Variants in OTOG observed in about 807,000 individuals in gnomAD.
The protein encoded by OTOG is otogelin.
Under a neutral mutation model 313.8 loss-of-function variants are expected in OTOG, and 296 were observed. The ratio of observed to expected loss-of-function variants is 0.94; its 90% CI spans 0.86 to 1.04. The LOEUF (loss-of-function observed/expected upper bound fraction) is 1.04. OTOG is among the 50% of genes least tolerant of loss of function. The pLI, the probability that OTOG is intolerant of heterozygous loss-of-function variation, is 0.00. For synonymous variants in OTOG, 1,533 were observed against 1,554.9 expected, an observed-to-expected ratio of 0.99 and a Z score of 0.33; for missense variants, 3,948 against 3,840.1, an observed-to-expected ratio of 1.03 and a Z score of -0.74.
chr11:17,616,877 A>G (rs1294008497), intron 39 of OTOG, among the ~76,000 whole-genome samples: 2 of 152,212 alleles, frequency 1.3e-5, no homozygotes, highest in Non-Finnish European at 2.9e-5. Context: ...TGCACTGGCT[A>G]GGACCTCTAG....
Position 17,573,212 on chromosome 11 carries a change from G to A in OTOG, c.2215G>A (p.Ala739Thr), listed in dbSNP as rs527271032. ...CCGCTGCGGGCAGCCCTGCCTGTGC[G>A]CCACACTGGCCCACTACGCCCACCT... ...ACRCGQPCLCATLAHYAHLCR... is the reference protein window; with the variant it reads ...ACRCGQPCLCTTLAHYAHLCR... The change falls in exon 19 of 56, where the codon GCC becomes ACC. Residue 739 changes from alanine to threonine, a missense_variant. Coordinates refer to ENST00000399397, the MANE Select transcript of OTOG (RefSeq NM_001292063.2). 2.1e-5 allele frequency: 33 copies of A among 1,537,418 alleles called. No individual in the cohort carries two copies. Among genetic ancestry groups the A allele is most frequent in the Middle Eastern group, 1.7e-4 (1 of 5,978 alleles).
intron 39 of OTOG, among the ~76,000 whole-genome samples, chr11:17,628,301 A>G (rs1016763519): frequency 6.6e-6 from 1 of 152,028 alleles, no homozygotes; most frequent in Admixed American, 6.6e-5. Context: ...AGTTTTTTTC[A>G]TAATTTTTTT....
chr11:17,644,920 T>C (rs540847600), intron 54 of OTOG, among the ~76,000 whole-genome samples: 1 of 152,170 alleles, frequency 6.6e-6, no homozygotes, highest in Non-Finnish European at 1.5e-5. Flanking sequence ...GAGGAGATAT[T>C]GCAGCCAATT....
At chr11:17,635,989 C>T (rs1854256446) in intron 47 of OTOG, among the ~76,000 whole-genome samples, 1 of 152,186 alleles carries the variant, frequency 6.6e-6, no homozygotes, top group African/African-American at 2.4e-5. Flanking sequence ...ACTTGGGTCC[C>T]TCCATCCCCC....
chr11:17,633,681 C>T lies in OTOG; in HGVS notation c.7074C>T (p.Pro2358=). 1 of 1,530,084 alleles carries T rather than the reference C, an allele frequency of 6.5e-7. No individual in the cohort carries two copies. Among genetic ancestry groups the T allele is most frequent in the Non-Finnish European group, 8.8e-7 (1 of 1,136,228 alleles). The allele number at this position is 1,530,084 out of a possible 1,614,324, so 94.8% of individuals were successfully genotyped here. ...CIEWRRSDYC[P]FLCSSDSTYQ... The stretch of plus-strand genomic sequence containing the variant: ...CTGGTGCCCACTGTGCCCCTGCAGC[C>T]TTCCTGTGCTCCAGCGACTCCACAT... Residue 2358 remains proline, a splice_region_variant and synonymous_variant, in exon 43 of 56, where the codon CCC becomes CCT. Coordinates refer to ENST00000399397, the MANE Select transcript of OTOG (RefSeq NM_001292063.2).
At chr11:17,589,963 C>T (rs766376867) in intron 24 of OTOG, among the ~76,000 whole-genome samples, 30 of 152,112 alleles carry the variant, frequency 2.0e-4, no homozygotes, top group African/African-American at 3.6e-4. Context: ...GCTTTTCCTC[C>T]GACCTCTCTT....
At chr11:17,587,937 C>A (rs770283040) in intron 24 of OTOG, among the ~76,000 whole-genome samples, 1 of 152,196 alleles carries the variant, frequency 6.6e-6, no homozygotes, top group African/African-American at 2.4e-5. Flanking sequence ...TGGACTCCAG[C>A]CCCTGTAGCA....
intron 33 of OTOG, 111 bp from the exon 34 acceptor site, chr11:17,608,185 C>T (rs139905501): frequency 1.4e-6 from 1 of 691,364 alleles, no homozygotes; most frequent in Non-Finnish European, 2.3e-6. Flanking sequence ...CATTTGCTTT[C>T]CCTGCATGGG....
In OTOG at chr11:17,640,894, G is replaced by T. The variant is rs552178414; in HGVS notation, c.8012-19G>T. 11 of 1,548,514 alleles carry T rather than the reference G, an allele frequency of 7.1e-6. No homozygotes were observed. The African/African-American group carries it at 1.2e-4, about 17-fold the overall frequency. On this transcript the variant is annotated intron_variant, in intron 50 of 55. Transcript: ENST00000399397. ...GCCTGGGCTCTGGATGACTGTTGCC[G>T]CCCTGCATGCCCATCCAGTGAAGGC...
At chr11:17,630,325 T>G (rs1402486316) in intron 40 of OTOG, among the ~76,000 whole-genome samples, 1 of 152,160 alleles carries the variant, frequency 6.6e-6, no homozygotes, top group Non-Finnish European at 1.5e-5. Context: ...CCTCTGTTCA[T>G]TGCCAGCAAA....
chr11:17,613,270 TCTCTGTCTG>T (rs1853635237), intron 38 of OTOG, among the ~76,000 whole-genome samples: 5 of 148,324 alleles, frequency 3.4e-5, no homozygotes, highest in East Asian at 2.0e-4. Flanking sequence ...TTTCTTTCTC[TCTCTGTCTG>T]TCTTTCTCCT....
In OTOG at chr11:17,578,462, C is replaced by G. The variant is rs888280826; in HGVS notation, c.2695C>G (p.Gln899Glu). 1.3e-5 allele frequency: 20 copies of G among 1,541,336 alleles called. No individual in the cohort carries two copies. In the African/African-American group the frequency reaches 2.3e-4, roughly 18 times the overall value. ...GAGCAGGGAGAGGACGTGTGAGCAG[C>G]AACTGCTGAACCTGAGCGTGTCAGC... ...ELSRERTCEQ[Q>E]LLNLSVSARG... Residue 899 changes from glutamine (Q) to glutamate (E), a missense_variant, in exon 23 of 56, where the codon CAA (glutamine) becomes GAA (glutamate). By Grantham distance (29) the Gln-to-Glu change is conservative. Transcript: ENST00000399397.
chr11:17,547,302 C>T lies in OTOG; in HGVS notation c.-71C>T. The T allele has an allele frequency of 8.0e-7, 1 of 1,252,006 alleles. No individual in the cohort carries two copies. Among genetic ancestry groups the T allele is most frequent in the Non-Finnish European group, 1.0e-6 (1 of 986,302 alleles). 77.6% of individuals were successfully genotyped at this position (1,252,006 alleles called of 1,614,324 possible). A position where few individuals can be genotyped will look rare whatever the true frequency, so the allele number is the denominator to read the frequency against. On this transcript the variant is annotated 5_prime_UTR_variant, in exon 1 of 56. Transcript: ENST00000399397. ...TCGGCTGCGGAGTGGAGGTGTGACC[C>T]TGCCTTAGCCCGGGGAGGCACCTCG...
rs1275494895 is a variant in OTOG, at chr11:17,611,286, C to A, written c.5986C>A (p.Pro1996Thr). ...TGAGGCCCATGGAACCTCGGCAGGG[C>A]CTCACCTGGCAGCAGAGCCGGTGGA... ...LAEAHGTSAG[P>T]HLAAEPVDEA... Residue 1996 changes from proline (P) to threonine (T), a missense_variant, in exon 36 of 56, where the codon CCT (proline) becomes ACT (threonine). By Grantham distance (38) the Pro-to-Thr change is conservative (BLOSUM62 -1). Transcript: ENST00000399397. 1 of 1,550,416 alleles carries A rather than the reference C, an allele frequency of 6.4e-7. No individual in the cohort carries two copies. The highest frequency in any genetic ancestry group is 8.7e-7 in the Non-Finnish European group (1 of 1,147,004).
At position 17,609,210 on chromosome 11, in the gene OTOG, G is replaced by T; in HGVS notation, c.4354+1G>T. 6.5e-7 allele frequency: 1 copy of T among 1,550,164 alleles called. No homozygotes were observed. Among genetic ancestry groups the T allele is most frequent in the Non-Finnish European group, 8.7e-7 (1 of 1,146,592 alleles). ...CAGAGATGTGTCTACTTGGAGGACT[G>T]TAAGTGGCCCAGACTTCTCATCCTT... On this transcript the variant is annotated splice_donor_variant, in intron 35 of 55. Transcript: ENST00000399397. LOFTEE classifies it high-confidence loss of function.
chr11:17,585,503 A>T (rs1176465854), intron 23 of OTOG, among the ~76,000 whole-genome samples: 1 of 151,932 alleles, frequency 6.6e-6, no homozygotes, highest in African/African-American at 2.4e-5. Flanking sequence ...TTTTTATTTC[A>T]CTAATTTCTC....
Position 17,629,262 on chromosome 11 carries a change from C to T in OTOG, c.6658C>T (p.Leu2220Phe). The change falls in exon 40 of 56, where the codon CTC becomes TTC. Residue 2220 changes from leucine to phenylalanine, a missense_variant. Coordinates refer to ENST00000399397, the MANE Select transcript of OTOG (RefSeq NM_001292063.2). ...IQIQWLHSSG[L>F]MIVEASKTSK... ...GATCCAGTGGCTCCACAGCTCAGGA[C>T]TCATGATCGTGGAGGCCAGCAAAAC... is the stretch of plus-strand genomic sequence containing the variant. 1 of 1,550,604 alleles carries T rather than the reference C, an allele frequency of 6.4e-7. No homozygotes were observed. Among genetic ancestry groups the T allele is most frequent in the African/African-American group, 1.4e-5 (1 of 73,180 alleles).
chr11:17,595,374 A>G (rs972141870), intron 28 of OTOG, among the ~76,000 whole-genome samples: 3 of 152,354 alleles, frequency 2.0e-5, no homozygotes, highest in Non-Finnish European at 2.9e-5. Context: ...TTCAGCAGAC[A>G]TCGGAAACAT....
intron 54 of OTOG, 45 bp downstream of exon 54, chr11:17,643,551 G>T: frequency 7.6e-7 from 1 of 1,322,330 alleles, no homozygotes; most frequent in South Asian, 1.8e-5. Context: ...GCTCTGATGG[G>T]GGCACAGGGT....
Sources: allele counts gnomAD v4.1 joint callset (sites outside exome capture counted in the v4.1 genomes callset), GRCh38; gene constraint gnomAD v4.1.1; transcripts MANE v1.5; gene names NCBI Gene and HGNC (gene_info 2026-07-23, HGNC 2026-07-21).